ZCCHC4: variants seen among roughly 807,000 people sequenced by gnomAD.
The protein encoded by ZCCHC4 is zinc finger CCHC-type containing 4, also known as rRNA N(6)-adenosine-methyltransferase ZCCHC4.
A neutral mutation model predicts 67.7 loss-of-function variants in ZCCHC4; 54 were observed. The ratio of observed to expected loss-of-function variants is 0.80; its 90% CI spans 0.64 to 1.00. The LOEUF is 1.00. Ranked by LOEUF, ZCCHC4 falls within the 50% of genes least tolerant of loss-of-function variation. The pLI, the probability that ZCCHC4 is intolerant of heterozygous loss-of-function variation, is 0.00. For synonymous variants in ZCCHC4, 198 were observed against 213.5 expected, an observed-to-expected ratio of 0.93 and a Z score of 0.63; for missense variants, 609 against 617.0, an observed-to-expected ratio of 0.99 and a Z score of 0.14.
rs1450169768 is a variant in ZCCHC4, at chr4:25,325,147, G to A, written c.330-8036G>A. Among the ~76,000 whole-genome samples, 2 of 120,648 alleles carry A rather than the reference G, an allele frequency of 1.7e-5. 1 individual carries two copies. The highest frequency in any genetic ancestry group is 4.0e-5 in the Non-Finnish European group (2 of 50,516). 79.1% of individuals were successfully genotyped at this position (120,648 alleles called of 152,430 possible). On this transcript the variant is annotated intron_variant, in intron 3 of 12. Transcript: ENST00000302874. ...AGTCCCAGCTACTCGGGAGGCTGAGGCAGGAGAATGGCGTGAATCCCGGGA... is the reference window on the plus strand; with the variant it reads ...AGTCCCAGCTACTCGGGAGGCTGAGACAGGAGAATGGCGTGAATCCCGGGA...
Position 25,333,944 on chromosome 4 carries a change from CAA to C in ZCCHC4, c.643_644del (p.Lys215GlufsTer3). On this transcript the variant is annotated frameshift_variant, in exon 5 of 13. Coordinates refer to ENST00000302874, the MANE Select transcript of ZCCHC4 (RefSeq NM_024936.3). LOFTEE classifies it high-confidence loss of function. ...TGATCAAGTTGACAGCATCAGGTGA[CAA>C]GAAGTCTAACATTAAAAGCCTTTTA... The part of the protein sequence containing the change: ...ELIKLTASGD[K>X]KSNIKSLLLD... 1 of 1,605,818 alleles carries C rather than the reference CAA, an allele frequency of 6.2e-7. No homozygotes were observed. The highest frequency in any genetic ancestry group is 8.5e-7 in the Non-Finnish European group (1 of 1,178,190).
intron 6 of ZCCHC4, among the ~76,000 whole-genome samples, chr4:25,346,038 C>T (rs1027114015): frequency 2.0e-5 from 3 of 152,170 alleles, no homozygotes; most frequent in East Asian, 1.9e-4. Context: ...ATAACCTCCA[C>T]TCATGTTTTA....
chr4:25,342,276 AT>A (rs1185020725), intron 5 of ZCCHC4, among the ~76,000 whole-genome samples: 1 of 152,148 alleles, frequency 6.6e-6, no homozygotes, highest in Non-Finnish European at 1.5e-5. Flanking sequence ...CAGAAAAAAA[AT>A]TCTGCATAGT....
intron 5 of ZCCHC4, among the ~76,000 whole-genome samples, chr4:25,341,619 A>G (rs540791320): frequency 3.9e-5 from 6 of 152,196 alleles, no homozygotes; most frequent in Non-Finnish European, 8.8e-5. Context: ...TTCTTTATAA[A>G]TTACCCAATC....
chr4:25,320,929 TCAC>T (rs1006260367), intron 3 of ZCCHC4, among the ~76,000 whole-genome samples: 2 of 152,236 alleles, frequency 1.3e-5, no homozygotes, highest in Non-Finnish European at 2.9e-5. Flanking sequence ...GAGTGAATCA[TCAC>T]CACATCAGCC....
chr4:25,338,555 A>G (rs375945061), intron 5 of ZCCHC4, among the ~76,000 whole-genome samples: 5 of 152,246 alleles, frequency 3.3e-5, no homozygotes, highest in African/African-American at 1.2e-4. Context: ...CCCATTTACC[A>G]TGCCCCCAGC....
intron 5 of ZCCHC4, among the ~76,000 whole-genome samples, chr4:25,344,651 G>T (rs1719917266): frequency 6.6e-6 from 1 of 151,722 alleles, no homozygotes; most frequent in Middle Eastern, 3.4e-3. Context: ...ATAAAACACT[G>T]TGTTAGCAAA....
intron 3 of ZCCHC4, among the ~76,000 whole-genome samples, chr4:25,316,431 A>C (rs1329519637): frequency 1.3e-5 from 2 of 152,212 alleles, no homozygotes; most frequent in African/African-American, 4.8e-5. Flanking sequence ...TTACATTCCC[A>C]CTAGGAGTGT....
chr4:25,326,898 A>G (rs542775217), intron 3 of ZCCHC4, among the ~76,000 whole-genome samples: 1 of 152,264 alleles, frequency 6.6e-6, no homozygotes, highest in South Asian at 2.1e-4. Context: ...AGTGCACTGC[A>G]GTTACACATC....
chr4:25,348,590 C>T (rs557134832), intron 6 of ZCCHC4, among the ~76,000 whole-genome samples: 48 of 152,256 alleles, frequency 3.2e-4, no homozygotes, highest in African/African-American at 1.0e-3. Context: ...GTATCATTTA[C>T]GTTGTATTAG....
chr4:25,360,133 T>C (rs1720668976), intron 8 of ZCCHC4, among the ~76,000 whole-genome samples: 2 of 152,254 alleles, frequency 1.3e-5, no homozygotes, highest in Admixed American at 6.5e-5. Flanking sequence ...TGGACTTTCA[T>C]AGTGTTGCCG....
intron 8 of ZCCHC4, chr4:25,352,607 G>A (rs547098991): frequency 1.8e-5 from 3 of 165,646 alleles, no homozygotes; most frequent in Non-Finnish European, 3.7e-5. Context: ...GTAGAGACAG[G>A]GTTTTGCCAT....
At chr4:25,344,876 C>G (rs1259796725) in intron 5 of ZCCHC4, among the ~76,000 whole-genome samples, 1 of 150,652 alleles carries the variant, frequency 6.6e-6, no homozygotes, top group Non-Finnish European at 1.5e-5. Context: ...GATCTTGGCT[C>G]ACTGCATCCT....
At chr4:25,366,268 T>G (rs1720942818) in intron 12 of ZCCHC4, 3 of 855,244 alleles carry the variant, frequency 3.5e-6, no homozygotes, top group Non-Finnish European at 4.2e-6. Context: ...TAATCCAGGA[T>G]AAAGTAGAGT....
rs141615517 is a variant in ZCCHC4, at chr4:25,313,378, A to C, written c.127+442A>C. 7.8e-3 allele frequency among the ~76,000 whole-genome samples: 1,193 copies of C among 152,300 alleles called. 7 individuals carry two copies. The highest frequency in any genetic ancestry group is 0.013 in the Non-Finnish European group (875 of 68,028). On this transcript the variant is annotated intron_variant, in intron 1 of 12. Transcript: ENST00000302874. ...TTTCCAGCTCAAAGCTCAGGTTTTC[A>C]CTGCAAGGGTAACCGCGCAAGAGAT...
In ZCCHC4 at chr4:25,323,161, C is replaced by A. The variant is rs758999899; in HGVS notation, c.329+7761C>A. On this transcript the variant is annotated intron_variant, in intron 3 of 12. Coordinates refer to ENST00000302874, the MANE Select transcript of ZCCHC4 (RefSeq NM_024936.3). The stretch of plus-strand genomic sequence containing the variant: ...AATGATTTTAGCTGTAACTGATGAT[C>A]ATTGCCCAGAGGTTGTAAAAGGTTT... 3.9e-5 allele frequency among the ~76,000 whole-genome samples: 6 copies of A among 152,226 alleles called. No individual in the cohort carries two copies. The South Asian group carries it at 8.3e-4, about 21-fold the overall frequency.
chr4:25,315,334 T>G lies in ZCCHC4; in HGVS notation c.263T>G (p.Leu88Arg). Residue 88 changes from leucine to arginine, a missense_variant, in exon 3 of 13, where the codon CTT becomes CGT. By Grantham distance (102) the Leu-to-Arg change is moderately radical. Transcript: ENST00000302874. ...WEDEKLSGAR[L>R]AAREAHNRRC... ...CTCTTTCAGTTGTCAGGAGCTAGAC[T>G]TGCTGCCCGAGAAGCTCATAACCGA... 2 of 1,612,962 alleles carry G rather than the reference T, an allele frequency of 1.2e-6. No homozygotes were observed. The highest frequency in any genetic ancestry group is 1.7e-6 in the Non-Finnish European group (2 of 1,179,332).
At chr4:25,324,965 C>T (rs1261494128) in intron 3 of ZCCHC4, among the ~76,000 whole-genome samples, 6 of 152,054 alleles carry the variant, frequency 3.9e-5, no homozygotes, top group Non-Finnish European at 8.8e-5. Flanking sequence ...TATTTTCGGC[C>T]GGGCGCGGTG....
intron 3 of ZCCHC4, among the ~76,000 whole-genome samples, chr4:25,326,485 CTT>C (rs1174869198): frequency 6.6e-6 from 1 of 152,102 alleles, no homozygotes; most frequent in African/African-American, 2.4e-5. Context: ...ACTGCAGCAC[CTT>C]TCTCAAAAGT....
Sources: allele counts gnomAD v4.1 joint callset (sites outside exome capture counted in the v4.1 genomes callset), GRCh38; gene constraint gnomAD v4.1.1; transcripts MANE v1.5; gene names NCBI Gene and HGNC (gene_info 2026-07-23, HGNC 2026-07-21).